PLD6: variants seen among roughly 807,000 people sequenced by gnomAD.
The protein encoded by PLD6 is phospholipase D family member 6.
Under a neutral mutation model 9.7 loss-of-function variants are expected in PLD6, and 10 were observed. The observed-to-expected ratio is 1.03, with a 90% CI of 0.64 to 1.75. PLD6 has a LOEUF of 1.75. Ranked by LOEUF, PLD6 falls within the 40% of genes most tolerant of loss-of-function variation. PLD6 has a pLI of 0.00. For synonymous variants in PLD6, 152 were observed against 159.2 expected, an observed-to-expected ratio of 0.96 and a Z score of 0.34; for missense variants, 334 against 347.6, an observed-to-expected ratio of 0.96 and a Z score of 0.31.
intron 1 of PLD6, among the ~76,000 whole-genome samples, chr17:17,203,364 T>C (rs527533472): frequency 6.6e-6 from 1 of 152,306 alleles, no homozygotes; most frequent in Non-Finnish European, 1.5e-5. Context: ...CCTCCGAGTC[T>C]ATGCCAGCCA....
intron 1 of PLD6, among the ~76,000 whole-genome samples, chr17:17,203,558 C>T (rs1258387524): frequency 1.4e-5 from 2 of 145,264 alleles, no homozygotes; most frequent in African/African-American, 5.2e-5. Flanking sequence ...GCTGGCACAA[C>T]CTCGGCCACC....
In PLD6 at chr17:17,206,095, C is replaced by T; in HGVS notation, c.192G>A (p.Glu64=). The T allele has an allele frequency of 6.8e-7, 1 of 1,478,044 alleles. No individual in the cohort carries two copies. Among genetic ancestry groups the T allele is most frequent in the East Asian group, 2.8e-5 (1 of 35,986 alleles). 91.6% of individuals were successfully genotyped at this position (1,478,044 alleles called of 1,614,324 possible). A position where few individuals can be genotyped will look rare whatever the true frequency, so the allele number is the denominator to read the frequency against. ...LLRAPGAELA[E]LPEGCPCGLP... ...GGCCGCACGGGCAGCCCTCGGGGAG[C>T]TCGGCCAGCTCCGCGCCCGGAGCCC... The change falls in exon 1 of 2, where the codon GAG becomes GAA. Residue 64 remains glutamate, a synonymous_variant. Coordinates refer to ENST00000321560, the MANE Select transcript of PLD6 (RefSeq NM_178836.4).
rs1323546147 is a variant in PLD6, at chr17:17,201,103, A to G, written c.*1664T>C. 1 of 152,252 alleles carries G rather than the reference A, an allele frequency of 6.6e-6. No individual in the cohort carries two copies. The highest frequency in any genetic ancestry group is 2.1e-4 in the South Asian group (1 of 4,834). The allele number at this position is 152,252 out of a possible 1,614,324, so 9.4% of individuals were successfully genotyped here. Reference sequence around the variant, plus strand: ...CTCCCATTTTCTTTTCAGAACATACACTGGGGGAATTCACAAACTAAAACA... The same window carrying G: ...CTCCCATTTTCTTTTCAGAACATACGCTGGGGGAATTCACAAACTAAAACA... On this transcript the variant is annotated 3_prime_UTR_variant, in exon 2 of 2. Coordinates refer to ENST00000321560, the MANE Select transcript of PLD6 (RefSeq NM_178836.4).
rs568137012 is a variant in PLD6, at chr17:17,206,106, C to G, written c.181G>C (p.Glu61Gln). The G allele has an allele frequency of 1.6e-5, 24 of 1,480,260 alleles. No homozygotes were observed. The East Asian group carries it at 6.1e-4, about 38-fold the overall frequency. The allele number at this position is 1,480,260 out of a possible 1,614,324, so 91.7% of individuals were successfully genotyped here. A position where few individuals can be genotyped will look rare whatever the true frequency, so the allele number is the denominator to read the frequency against. The change falls in exon 1 of 2, where the codon GAG (glutamate) becomes CAG (glutamine). Residue 61 changes from glutamate to glutamine, a missense_variant. Glu to Gln is a conservative substitution (Grantham distance 29, BLOSUM62 2). Coordinates refer to ENST00000321560, the MANE Select transcript of PLD6 (RefSeq NM_178836.4). ...CAGCCCTCGGGGAGCTCGGCCAGCT[C>G]CGCGCCCGGAGCCCGCAGCAGGGCC... ...TEALLRAPGA[E>Q]LAELPEGCPC...
chr17:17,201,282 T>G lies in PLD6; in HGVS notation c.*1485A>C, dbSNP rs1342971929. On this transcript the variant is annotated 3_prime_UTR_variant, in exon 2 of 2. Coordinates refer to ENST00000321560, the MANE Select transcript of PLD6 (RefSeq NM_178836.4). ...GCACTGAAGGGTCTCTGGGTGGTAATGCCAGCGTGGGCTGGGGAGGTGAGA... is the reference window on the plus strand; with the variant it reads ...GCACTGAAGGGTCTCTGGGTGGTAAGGCCAGCGTGGGCTGGGGAGGTGAGA... The G allele has an allele frequency of 6.6e-6, 1 of 152,222 alleles. No homozygotes were observed. The highest frequency in any genetic ancestry group is 1.9e-4 in the East Asian group (1 of 5,194). 9.4% of individuals were successfully genotyped at this position (152,222 alleles called of 1,614,324 possible).
rs1171779860 is a variant in PLD6, at chr17:17,201,562, C to T, written c.*1205G>A. 1 of 152,388 alleles carries T rather than the reference C, an allele frequency of 6.6e-6. No individual in the cohort carries two copies. Among genetic ancestry groups the T allele is most frequent in the Admixed American group, 6.5e-5 (1 of 15,282 alleles). 9.4% of individuals were successfully genotyped at this position (152,388 alleles called of 1,614,324 possible). A position where few individuals can be genotyped will look rare whatever the true frequency, so the allele number is the denominator to read the frequency against. On this transcript the variant is annotated 3_prime_UTR_variant, in exon 2 of 2. Transcript: ENST00000321560. ...AAGCTGCTCTCCTCTTCCCCGCTCT[C>T]CTCTCCTCCGGTCCCGTGATGGGTT...
rs959794329 is a variant in PLD6 at position 17,201,798 on chromosome 17, G to A, written c.*969C>T. The stretch of plus-strand genomic sequence containing the variant: ...AGTTTGAGACCAGCCTAACCAACAT[G>A]GTGAAACCCTGTCTCTACTAAAAAT... On this transcript the variant is annotated 3_prime_UTR_variant, in exon 2 of 2. Transcript: ENST00000321560. 6.6e-5 allele frequency: 10 copies of A among 152,038 alleles called. No homozygotes were observed. Among genetic ancestry groups the A allele is most frequent in the African/African-American group, 2.4e-4 (10 of 41,378 alleles). 9.4% of individuals were successfully genotyped at this position (152,038 alleles called of 1,614,324 possible). A position where few individuals can be genotyped will look rare whatever the true frequency, so the allele number is the denominator to read the frequency against.
intron 1 of PLD6, among the ~76,000 whole-genome samples, chr17:17,205,033 T>C (rs996674720): frequency 1.3e-5 from 2 of 151,902 alleles, no homozygotes; most frequent in Admixed American, 1.3e-4. Context: ...GATCCAACCG[T>C]TGCACGTGCA....
In PLD6 at chr17:17,202,702, G is replaced by A. The variant is rs925551289; in HGVS notation, c.*65C>T. Reference sequence around the variant, plus strand: ...ACTTTAGTTTAACGATTTTTTTCTAGTGCCGAGGTCTCCCTCCCTCAGAAC... The same window carrying A: ...ACTTTAGTTTAACGATTTTTTTCTAATGCCGAGGTCTCCCTCCCTCAGAAC... On this transcript the variant is annotated 3_prime_UTR_variant, in exon 2 of 2. Coordinates refer to ENST00000321560, the MANE Select transcript of PLD6 (RefSeq NM_178836.4). 13 of 1,447,796 alleles carry A rather than the reference G, an allele frequency of 9.0e-6. No homozygotes were observed. Among genetic ancestry groups the A allele is most frequent in the African/African-American group, 1.4e-5 (1 of 70,004 alleles). 89.7% of individuals were successfully genotyped at this position (1,447,796 alleles called of 1,614,324 possible). A position where few individuals can be genotyped will look rare whatever the true frequency, so the allele number is the denominator to read the frequency against.
Position 17,202,860 on chromosome 17 carries a change from A to C in PLD6, c.666T>G (p.Ser222Arg). Reference sequence around the variant, plus strand: ...AGACAGGTGGGGCACAGCTTCCGTGACTTTTCTTTGGTGGGAAAAAGGTAT... The same window carrying C: ...AGACAGGTGGGGCACAGCTTCCGTGCCTTTTCTTTGGTGGGAAAAAGGTAT... ...TKYTFFPPKKSHGSCAPPVSR... is the reference protein window; with the variant it reads ...TKYTFFPPKKRHGSCAPPVSR... Residue 222 changes from serine to arginine, a missense_variant, in exon 2 of 2, where the codon AGT (serine) becomes AGG (arginine). Coordinates refer to ENST00000321560, the MANE Select transcript of PLD6 (RefSeq NM_178836.4). 6.2e-7 allele frequency: 1 copy of C among 1,614,156 alleles called. No individual in the cohort carries two copies. The highest frequency in any genetic ancestry group is 8.5e-7 in the Non-Finnish European group (1 of 1,180,032).
In PLD6 at chr17:17,206,068, C is replaced by G. The variant is rs757269722; in HGVS notation, c.219G>C (p.Leu73=). 2 of 1,513,470 alleles carry G rather than the reference C, an allele frequency of 1.3e-6. No homozygotes were observed. The highest frequency in any genetic ancestry group is 8.8e-7 in the Non-Finnish European group (1 of 1,137,372). 93.8% of individuals were successfully genotyped at this position (1,513,470 alleles called of 1,614,324 possible). A position where few individuals can be genotyped will look rare whatever the true frequency, so the allele number is the denominator to read the frequency against. The change falls in exon 1 of 2, where the codon CTG becomes CTC. Residue 73 remains leucine (L), a synonymous_variant. Transcript: ENST00000321560. ...AELPEGCPCG[L]PHGESALSRL... is the part of the protein sequence containing the mutation. ...GGCTTAGCGCGCTCTCGCCGTGGGG[C>G]AGGCCGCACGGGCAGCCCTCGGGGA...
chr17:17,202,758 C>G lies in PLD6; in HGVS notation c.*9G>C. The G allele has an allele frequency of 5.0e-6, 8 of 1,610,370 alleles. No individual in the cohort carries two copies. Among genetic ancestry groups the G allele is most frequent in the Non-Finnish European group, 6.8e-6 (8 of 1,177,764 alleles). The stretch of plus-strand genomic sequence containing the variant: ...GCAGCCCGCAGGGAGGGCTCAGCCC[C>G]ATTCTTGGTTAGGTTTGGCTTTCGC... On this transcript the variant is annotated 3_prime_UTR_variant, in exon 2 of 2. Coordinates refer to ENST00000321560, the MANE Select transcript of PLD6 (RefSeq NM_178836.4).
At chr17:17,205,829 G>A (rs941007502) in intron 1 of PLD6, 31 bp downstream of exon 1, 7 of 1,547,020 alleles carry the variant, frequency 4.5e-6, no homozygotes, top group Admixed American at 3.9e-5. Flanking sequence ...GGCCAAGCCG[G>A]CCTTCTCCGC....
intron 1 of PLD6, among the ~76,000 whole-genome samples, chr17:17,203,588 CT>C (rs1478894538): frequency 8.8e-5 from 2 of 22,652 alleles, no homozygotes; most frequent in African/African-American, 2.0e-4. Context: ...AGGGCCCTAA[CT>C]AACAACGCAC....
chr17:17,205,491 G>A (rs754742976), intron 1 of PLD6, among the ~76,000 whole-genome samples: 2 of 152,198 alleles, frequency 1.3e-5, no homozygotes, highest in South Asian at 2.1e-4. Context: ...AGGAGGGCGG[G>A]CCCGGGCTGC....
At chr17:17,205,459 G>C (rs2046709429) in intron 1 of PLD6, among the ~76,000 whole-genome samples, 2 of 152,184 alleles carry the variant, frequency 1.3e-5, no homozygotes, top group African/African-American at 4.8e-5. Flanking sequence ...ACCAGAGGCC[G>C]TCCGGGGATC....
intron 1 of PLD6, among the ~76,000 whole-genome samples, chr17:17,205,159 T>A (rs906292837): frequency 6.6e-6 from 1 of 152,222 alleles, no homozygotes; most frequent in African/African-American, 2.4e-5. Context: ...CAGGATGGAC[T>A]GAGAATCCTC....
At chr17:17,205,518 C>A (rs1292499457) in intron 1 of PLD6, among the ~76,000 whole-genome samples, 6 of 152,208 alleles carry the variant, frequency 3.9e-5, no homozygotes, top group African/African-American at 9.6e-5. Context: ...CACGAAAACT[C>A]CGCCGGCGGC....
Position 17,206,130 on chromosome 17 carries a change from C to T in PLD6, c.157G>A (p.Ala53Thr). ...TCCGCGCCCGGAGCCCGCAGCAGGG[C>T]CTCGGTACAGGTCACCTGAGACGGG... Reference protein sequence around the residue: ...FFPSQVTCTEALLRAPGAELA... With the variant: ...FFPSQVTCTETLLRAPGAELA... The change falls in exon 1 of 2, where the codon GCC (alanine) becomes ACC (threonine). Residue 53 changes from alanine to threonine, a missense_variant. Physicochemically the swap from Ala to Thr is moderately conservative, Grantham distance 58. Coordinates refer to ENST00000321560, the MANE Select transcript of PLD6 (RefSeq NM_178836.4). 1 of 1,496,828 alleles carries T rather than the reference C, an allele frequency of 6.7e-7. No individual in the cohort carries two copies. Among genetic ancestry groups the T allele is most frequent in the Non-Finnish European group, 8.8e-7 (1 of 1,131,056 alleles). 92.7% of individuals were successfully genotyped at this position (1,496,828 alleles called of 1,614,324 possible).
Sources: gnomAD v4.1 joint callset for allele counts (sites outside exome capture counted in the v4.1 genomes callset) on GRCh38, gnomAD v4.1.1 for gene constraint, MANE v1.5 for transcripts, NCBI Gene and HGNC (gene_info 2026-07-23, HGNC 2026-07-21) for gene names.